NDRG1: variants seen among roughly 807,000 people sequenced by gnomAD.
The protein encoded by NDRG1 is N-myc downstream regulated 1, also known as protein NDRG1.
A neutral mutation model predicts 56.9 loss-of-function variants in NDRG1; 32 were observed. That is an observed-to-expected ratio of 0.56 (90% confidence interval 0.42 to 0.76). The LOEUF (loss-of-function observed/expected upper bound fraction) is 0.76, where lower values mean the gene tolerates loss of function less well. NDRG1 is among the 30% of genes least tolerant of loss of function. The pLI is 0.00. For missense variants in NDRG1, 507 were observed against 545.7 expected (o/e 0.93, Z 0.71); for synonymous variants, 211 against 204.1 (o/e 1.03, Z -0.29).
intron 1 of NDRG1, among the ~76,000 whole-genome samples, chr8:133,292,178 C>G (rs1266486585): frequency 2.6e-5 from 4 of 152,166 alleles, no homozygotes; most frequent in Admixed American, 6.5e-5. Flanking sequence ...ATGAGCTGCG[C>G]TGGATGGTCT....
intron 4 of NDRG1, among the ~76,000 whole-genome samples, chr8:133,263,745 G>A (rs554056362): frequency 2.6e-5 from 4 of 152,090 alleles, no homozygotes; most frequent in South Asian, 2.1e-4. Context: ...GTGAAACCCC[G>A]TCTCTACTAA....
At chr8:133,279,262 A>C (rs531128186) in intron 3 of NDRG1, among the ~76,000 whole-genome samples, 1 of 152,276 alleles carries the variant, frequency 6.6e-6, no homozygotes, top group East Asian at 1.9e-4. Context: ...GAGAAAATAC[A>C]CACCTTGGTG....
At chr8:133,242,712 A>G (rs1174401714) in intron 14 of NDRG1, among the ~76,000 whole-genome samples, 1 of 116,396 alleles carries the variant, frequency 8.6e-6, no homozygotes, top group Non-Finnish European at 2.0e-5. Context: ...GATGGAAAGA[A>G]GGAAGGAAAA....
At chr8:133,243,143 C>T (rs58736213) in intron 14 of NDRG1, among the ~76,000 whole-genome samples, 13 of 152,330 alleles carry the variant, frequency 8.5e-5, no homozygotes, top group African/African-American at 2.6e-4. Context: ...GGCTGACCCC[C>T]CTCCCTGCTC....
At chr8:133,268,028 T>C (rs900621054) in intron 3 of NDRG1, among the ~76,000 whole-genome samples, 2 of 152,148 alleles carry the variant, frequency 1.3e-5, no homozygotes, top group African/African-American at 4.8e-5. Context: ...TTTGAAGGTC[T>C]TAAAATTATA....
intron 13 of NDRG1, among the ~76,000 whole-genome samples, chr8:133,245,619 C>T (rs1204005660): frequency 6.6e-6 from 1 of 152,136 alleles, no homozygotes; most frequent in African/African-American, 2.4e-5. Context: ...AAGAGGCAGG[C>T]AGCATTCTCC....
intron 9 of NDRG1, 55 bp downstream of exon 9, chr8:133,254,484 C>A: frequency 6.3e-7 from 1 of 1,595,380 alleles, no homozygotes; most frequent in Non-Finnish European, 8.6e-7. Flanking sequence ...GTGCTGAGCA[C>A]CACACAATGC....
intron 3 of NDRG1, among the ~76,000 whole-genome samples, chr8:133,267,717 G>A (rs773604519): frequency 5.1e-4 from 77 of 152,158 alleles, no homozygotes; most frequent in Admixed American, 2.0e-4. Context: ...AGGGCAGGCG[G>A]TGTCCCCACC....
chr8:133,296,567 C>T (rs1176787679), intron 1 of NDRG1: 7 of 456,084 alleles, frequency 1.5e-5, no homozygotes, highest in Middle Eastern at 3.2e-4. Flanking sequence ...GATCCACACC[C>T]GTTCCCGACC....
intron 3 of NDRG1, 162 bp from the exon 4 acceptor site, chr8:133,264,814 A>G: frequency 1.5e-6 from 1 of 685,166 alleles, no homozygotes; most frequent in African/African-American, 1.8e-5. Flanking sequence ...GCCAGAAGCC[A>G]CTCCAAGGAC....
At chr8:133,280,314 A>AC in intron 2 of NDRG1, 47 bp from the exon 3 acceptor site, 2 of 1,581,702 alleles carry the variant, frequency 1.3e-6, no homozygotes, top group Non-Finnish European at 1.7e-6. Context: ...TTTTCTCTGT[A>AC]AGAGAAATAA....
intron 1 of NDRG1, chr8:133,284,715 G>A (rs151180920): frequency 4.9e-4 from 226 of 461,286 alleles, no homozygotes; most frequent in African/African-American, 3.7e-3. Context: ...GGCAGCCCCC[G>A]TGTGACAATG....
chr8:133,284,114 CGTGTGTATGCT>C (rs1292105678), intron 2 of NDRG1, 124 bp downstream of exon 2: 4 of 785,560 alleles, frequency 5.1e-6, no homozygotes, highest in Non-Finnish European at 8.9e-6. Flanking sequence ...GTTTGTATGC[CGTGTGTATGCT>C]GTATACATGT....
chr8:133,267,998 G>A (rs1857003549), intron 3 of NDRG1, among the ~76,000 whole-genome samples: 1 of 152,198 alleles, frequency 6.6e-6, no homozygotes, highest in Non-Finnish European at 1.5e-5. Context: ...CGAGTGGGTA[G>A]CAGATTTTTG....
chr8:133,281,971 A>C (rs896748644), intron 2 of NDRG1, among the ~76,000 whole-genome samples: 1 of 152,212 alleles, frequency 6.6e-6, no homozygotes, highest in Non-Finnish European at 1.5e-5. Flanking sequence ...GGACAGACAC[A>C]AGGAAGAACT....
At chr8:133,247,415 G>C (rs577642611) in intron 12 of NDRG1, among the ~76,000 whole-genome samples, 6 of 152,370 alleles carry the variant, frequency 3.9e-5, no homozygotes, top group Admixed American at 2.0e-4. Context: ...TTGAAAGGCA[G>C]ATTCCTCTCT....
In NDRG1 at chr8:133,237,737, C is replaced by A. The variant is rs1010089084; in HGVS notation, c.*1141G>T. ...GCAAAGAGTTCTGAGGATCCAAGAA[C>A]GTGACCGGGTCAGACAGGTTCAGCT... On this transcript the variant is annotated 3_prime_UTR_variant, in exon 16 of 16. Transcript: ENST00000323851. 1 of 164,608 alleles carries A rather than the reference C, an allele frequency of 6.1e-6. No individual in the cohort carries two copies. The highest frequency in any genetic ancestry group is 2.6e-5 in the African/African-American group (1 of 37,940). The allele number at this position is 164,608 out of a possible 1,614,324, so 10.2% of individuals were successfully genotyped here.
At chr8:133,255,362 C>T (rs1856312434) in intron 8 of NDRG1, 2 of 456,264 alleles carry the variant, frequency 4.4e-6, no homozygotes, top group Non-Finnish European at 8.8e-6. Context: ...TAACTGCACA[C>T]ATCACAGTAT....
At chr8:133,246,031 T>C (rs570799244) in intron 13 of NDRG1, among the ~76,000 whole-genome samples, 1 of 152,346 alleles carries the variant, frequency 6.6e-6, no homozygotes, top group East Asian at 1.9e-4. Context: ...CGCCTGGTCA[T>C]CTGCCCCTGC....
Sources: gnomAD v4.1 joint callset for allele counts (sites outside exome capture counted in the v4.1 genomes callset) on GRCh38, gnomAD v4.1.1 for gene constraint, MANE v1.5 for transcripts, NCBI Gene and HGNC (gene_info 2026-07-23, HGNC 2026-07-21) for gene names.